The following TBC1D32 variants were observed in gnomAD, a reference collection of about 807,000 sequenced individuals.
TBC1D32 encodes TBC1 domain family member 32, also known as protein broad-minded.
A neutral mutation model predicts 170.3 loss-of-function variants in TBC1D32; 151 were observed. The observed-to-expected ratio is 0.89, with a 90% CI of 0.78 to 1.01. The LOEUF is 1.01. TBC1D32 is among the 50% of genes least tolerant of loss of function. The pLI, the probability that TBC1D32 is intolerant of heterozygous loss-of-function variation, is 0.00. For missense variants in TBC1D32, 1,464 were observed against 1,457.1 expected (o/e 1.00, Z -0.08); for synonymous variants, 498 against 488.0 (o/e 1.02, Z -0.27).
chr6:121,263,405 C>T (rs117549005), intron 15 of TBC1D32, among the ~76,000 whole-genome samples: 4,980 of 152,116 alleles, frequency 0.033, 190 homozygotes, highest in East Asian at 0.12. Context: ...CCGAAATATA[C>T]ATGCACCCAA....
intron 2 of TBC1D32, among the ~76,000 whole-genome samples, chr6:121,320,011 A>G (rs1809476617): frequency 6.6e-6 from 1 of 152,132 alleles, no homozygotes; most frequent in African/African-American, 2.4e-5. Context: ...TCTACAGAGT[A>G]AGTACTTCCA....
intron 22 of TBC1D32, chr6:121,162,915 C>G (rs377351210): frequency 8.1e-4 from 92 of 114,162 alleles, no homozygotes; most frequent in African/African-American, 2.6e-3. Context: ...ACCTGGGAAG[C>G]GCAAGGGGTC....
intron 22 of TBC1D32, among the ~76,000 whole-genome samples, chr6:121,195,763 T>C (rs921026096): frequency 2.6e-5 from 4 of 152,130 alleles, no homozygotes; most frequent in African/African-American, 9.7e-5. Flanking sequence ...TTCTGCACGA[T>C]ATGCAGGCAC....
At position 121,216,561 on chromosome 6, in the gene TBC1D32, T is replaced by C. The variant is rs961076572; in HGVS notation, c.2481+6675A>G. Among the ~76,000 whole-genome samples the C allele has an allele frequency of 5.9e-5, 9 of 152,176 alleles. No homozygotes were observed. The East Asian group carries it at 1.5e-3, about 26-fold the overall frequency. On this transcript the variant is annotated intron_variant, in intron 21 of 31. Transcript: ENST00000398212. Reference sequence around the variant, plus strand: ...AAAGTATGGAGAACACTGATAGTCATTGGCGTGAACTGTTTAGAGAGTTAT... The same window carrying C: ...AAAGTATGGAGAACACTGATAGTCACTGGCGTGAACTGTTTAGAGAGTTAT...
chr6:121,314,940 C>A (rs918761926), intron 3 of TBC1D32, among the ~76,000 whole-genome samples: 1 of 152,178 alleles, frequency 6.6e-6, no homozygotes, highest in African/African-American at 2.4e-5. Context: ...GTTCTAAGCA[C>A]AAGACATACA....
At chr6:121,161,713 G>A (rs1785687934) in intron 22 of TBC1D32, among the ~76,000 whole-genome samples, 1 of 152,286 alleles carries the variant, frequency 6.6e-6, no homozygotes, top group South Asian at 2.1e-4. Context: ...TAATGGGATT[G>A]CTGGGTCAAA....
At chr6:121,169,387 C>T (rs1050439127) in intron 22 of TBC1D32, among the ~76,000 whole-genome samples, 1 of 152,054 alleles carries the variant, frequency 6.6e-6, no homozygotes, top group Non-Finnish European at 1.5e-5. Flanking sequence ...TGAAACTGGA[C>T]CCCCTCCTTA....
At chr6:121,283,961 T>G (rs1335117310) in intron 12 of TBC1D32, 51 bp from the exon 13 acceptor site, 2 of 1,331,964 alleles carry the variant, frequency 1.5e-6, no homozygotes, top group South Asian at 2.5e-5. Context: ...TTCTTTCAAC[T>G]TAAGAGAAAT....
intron 21 of TBC1D32, among the ~76,000 whole-genome samples, chr6:121,208,744 A>AAAAAAAAC (rs1256721916): frequency 6.6e-6 from 1 of 150,886 alleles, no homozygotes; most frequent in Non-Finnish European, 1.5e-5. Flanking sequence ...AAAAAAAAAA[A>AAAAAAAAC]AAACAGAAAT....
At chr6:121,258,652 ATC>A (rs1799364553) in intron 15 of TBC1D32, among the ~76,000 whole-genome samples, 4 of 152,128 alleles carry the variant, frequency 2.6e-5, no homozygotes, top group Non-Finnish European at 5.9e-5. Flanking sequence ...AACAAATATG[ATC>A]ATTCATATTT....
intron 1 of TBC1D32, among the ~76,000 whole-genome samples, chr6:121,324,355 A>C (rs1810171962): frequency 1.3e-5 from 2 of 152,162 alleles, no homozygotes; most frequent in Admixed American, 1.3e-4. Flanking sequence ...TAAATATTTT[A>C]ATTATTGATT....
chr6:121,112,437 C>A, intron 29 of TBC1D32, 68 bp downstream of exon 29: 2 of 1,340,786 alleles, frequency 1.5e-6, no homozygotes, highest in South Asian at 1.8e-5. Flanking sequence ...AAAATTATGC[C>A]CCAGTGAATG....
At position 121,286,323 on chromosome 6, in the gene TBC1D32, G is replaced by A. The variant is rs1236700691; in HGVS notation, c.1373-2413C>T. Among the ~76,000 whole-genome samples the A allele has an allele frequency of 4.6e-5, 7 of 152,146 alleles. No individual in the cohort carries two copies. The East Asian group carries it at 1.3e-3, about 29-fold the overall frequency. Reference sequence around the variant, plus strand: ...CTGATGGAGCTGAAAACCAATGCACGAGAACTACGTGACGAATGCACAAGC... The same window carrying A: ...CTGATGGAGCTGAAAACCAATGCACAAGAACTACGTGACGAATGCACAAGC... On this transcript the variant is annotated intron_variant, in intron 12 of 31. Coordinates refer to ENST00000398212, the MANE Select transcript of TBC1D32 (RefSeq NM_152730.6).
rs1789728715 is a variant in TBC1D32, at chr6:121,189,970, T to C, written c.2570+15105A>G. Among the ~76,000 whole-genome samples the C allele has an allele frequency of 2.0e-5, 3 of 151,936 alleles. 1 individual carries two copies. Among genetic ancestry groups the C allele is most frequent in the African/African-American group, 7.2e-5 (3 of 41,400 alleles). Reference sequence around the variant, plus strand: ...ATACTAAGGGGCATTCCCAACTAAATGCCCATTTTAGTGTGAAAATGGGCA... The same window carrying C: ...ATACTAAGGGGCATTCCCAACTAAACGCCCATTTTAGTGTGAAAATGGGCA... On this transcript the variant is annotated intron_variant, in intron 22 of 31. Transcript: ENST00000398212.
At chr6:121,269,149 T>C (rs536697760) in intron 15 of TBC1D32, among the ~76,000 whole-genome samples, 2 of 152,264 alleles carry the variant, frequency 1.3e-5, no homozygotes, top group East Asian at 1.9e-4. Flanking sequence ...TACCAGCCAC[T>C]GCAAAAACAT....
At chr6:121,284,815 C>T (rs1803548169) in intron 12 of TBC1D32, among the ~76,000 whole-genome samples, 1 of 152,090 alleles carries the variant, frequency 6.6e-6, no homozygotes, top group South Asian at 2.1e-4. Flanking sequence ...ACTGCATCAA[C>T]ATCACAAGTA....
At position 121,317,471 on chromosome 6, in the gene TBC1D32, T is replaced by A. The variant is rs763548238; in HGVS notation, c.495+24A>T. ...TATTATTAAACAGCATTTCAAGACA[T>A]AAATGCAAAACTGAACAACACACCT... On this transcript the variant is annotated intron_variant, in intron 3 of 31. Transcript: ENST00000398212. 6 of 1,492,038 alleles carry A rather than the reference T, an allele frequency of 4.0e-6. No individual in the cohort carries two copies. The East Asian group carries it at 1.2e-4, about 31-fold the overall frequency. The allele number at this position is 1,492,038 out of a possible 1,614,324, so 92.4% of individuals were successfully genotyped here.
At chr6:121,300,484 C>G (rs1366552273) in intron 9 of TBC1D32, among the ~76,000 whole-genome samples, 2 of 151,936 alleles carry the variant, frequency 1.3e-5, no homozygotes, top group Non-Finnish European at 2.9e-5. Context: ...CTAACAAAAA[C>G]AAGCAATGAG....
At chr6:121,266,495 A>G (rs1800501202) in intron 15 of TBC1D32, among the ~76,000 whole-genome samples, 1 of 152,106 alleles carries the variant, frequency 6.6e-6, no homozygotes, top group African/African-American at 2.4e-5. Flanking sequence ...ACCACTTCTG[A>G]CAGTGTGGCA....
Sources: allele counts gnomAD v4.1 joint callset (sites outside exome capture counted in the v4.1 genomes callset), GRCh38; gene constraint gnomAD v4.1.1; transcripts MANE v1.5; gene names NCBI Gene and HGNC (gene_info 2026-07-23, HGNC 2026-07-21).